KAZN: variants seen among roughly 807,000 people sequenced by gnomAD.
KAZN encodes kazrin, periplakin interacting protein.
A neutral mutation model predicts 87.4 loss-of-function variants in KAZN; 40 were observed. The observed-to-expected ratio is 0.46, with a 90% CI of 0.36 to 0.60. KAZN has a LOEUF of 0.60. KAZN is among the 20% of genes least tolerant of loss of function. KAZN has a pLI of 0.00. For missense variants in KAZN, 898 were observed against 1,073.9 expected, an observed-to-expected ratio of 0.84 and a Z score of 2.29; for synonymous variants, 466 against 458.3, an observed-to-expected ratio of 1.02 and a Z score of -0.22.
chr1:15,092,451 A>ATTTGTTTTGTTTTGT (rs148459798), intron 8 of KAZN, among the ~76,000 whole-genome samples: 3 of 149,838 alleles, frequency 2.0e-5, no homozygotes, highest in East Asian at 4.0e-4. Context: ...GTGTGTTTTT[A>ATTTGTTTTGTTTTGT]TTTGTTTTGT....
intron 1 of KAZN, among the ~76,000 whole-genome samples, chr1:14,176,956 G>C (rs767668398): frequency 6.6e-6 from 1 of 152,072 alleles, no homozygotes; most frequent in Non-Finnish European, 1.5e-5. Context: ...TCAGGAGTTC[G>C]AGACCAGCCT....
At chr1:13,926,270 G>T (rs7527058) in intron 1 of KAZN, among the ~76,000 whole-genome samples, 1 of 151,812 alleles carries the variant, frequency 6.6e-6, no homozygotes, top group Non-Finnish European at 1.5e-5. Flanking sequence ...CAGGCTGGCT[G>T]TCTGCCCTGG....
In KAZN at chr1:15,056,013, C is replaced by T. The variant is rs879183014; in HGVS notation, c.727-78C>T. 8 of 1,396,758 alleles carry T rather than the reference C, an allele frequency of 5.7e-6. No homozygotes were observed. The highest frequency in any genetic ancestry group is 2.8e-5 in the African/African-American group (2 of 70,676). 86.5% of individuals were successfully genotyped at this position (1,396,758 alleles called of 1,614,324 possible). A position where few individuals can be genotyped will look rare whatever the true frequency, so the allele number is the denominator to read the frequency against. Reference sequence around the variant, plus strand: ...GAGGATCCGGGCTTTCTCCCCATGGCGGTGGGTGGTGCCAAGCAGCTGGCC... The same window carrying T: ...GAGGATCCGGGCTTTCTCCCCATGGTGGTGGGTGGTGCCAAGCAGCTGGCC... On this transcript the variant is annotated intron_variant, in intron 4 of 14. Coordinates refer to ENST00000376030, the MANE Select transcript of KAZN (RefSeq NM_201628.3). The surrounding 1 kb of genome is among the most constrained non-coding windows in gnomAD (Gnocchi z 5.4).
At chr1:15,019,599 G>A (rs1670461807) in intron 2 of KAZN, among the ~76,000 whole-genome samples, 1 of 152,012 alleles carries the variant, frequency 6.6e-6, no homozygotes, top group Non-Finnish European at 1.5e-5. Flanking sequence ...ATGTTGGCCA[G>A]GCTGGTCTCG....
At chr1:14,947,249 G>A (rs766289532) in intron 1 of KAZN, among the ~76,000 whole-genome samples, 1 of 152,204 alleles carries the variant, frequency 6.6e-6, no homozygotes, top group Non-Finnish European at 1.5e-5. Context: ...TTCCTCTTGG[G>A]GTGTTGGTAA....
chr1:14,479,474 C>T (rs1571751890), intron 2 of KAZN, among the ~76,000 whole-genome samples: 1 of 152,224 alleles, frequency 6.6e-6, no homozygotes, highest in Non-Finnish European at 1.5e-5. Context: ...TCACTTGTGG[C>T]CGCTCCCTGC....
intron 2 of KAZN, among the ~76,000 whole-genome samples, chr1:14,264,157 T>C (rs1651296962): frequency 6.6e-6 from 1 of 152,080 alleles, no homozygotes; most frequent in Non-Finnish European, 1.5e-5. Flanking sequence ...ACGGCCAAAG[T>C]GGCAGCAGGA....
At chr1:15,063,473 G>A in intron 6 of KAZN, 99 bp from the exon 7 acceptor site, 3 of 1,002,674 alleles carry the variant, frequency 3.0e-6, no homozygotes, top group Non-Finnish European at 3.2e-6. Context: ...CTGAGAGATG[G>A]CATCCTTCCA....
At chr1:14,324,487 C>T (rs1166579815) in intron 2 of KAZN, among the ~76,000 whole-genome samples, 1 of 152,152 alleles carries the variant, frequency 6.6e-6, no homozygotes, top group Non-Finnish European at 1.5e-5. Context: ...GAAATGACTC[C>T]AGTATTCATG....
intron 2 of KAZN, among the ~76,000 whole-genome samples, chr1:14,419,027 C>A (rs1249460303): frequency 1.3e-5 from 2 of 152,110 alleles, no homozygotes; most frequent in Non-Finnish European, 2.9e-5. Context: ...GTTCAATAAG[C>A]ACATGGAAAA....
chr1:14,995,807 A>G (rs1272069064), intron 2 of KAZN, among the ~76,000 whole-genome samples: 2 of 152,002 alleles, frequency 1.3e-5, no homozygotes, highest in Non-Finnish European at 2.9e-5. Flanking sequence ...CGCCTGATTT[A>G]TATTTACCTT....
chr1:14,204,369 A>C (rs1037548955), intron 2 of KAZN, among the ~76,000 whole-genome samples: 13 of 152,236 alleles, frequency 8.5e-5, no homozygotes, highest in Admixed American at 8.5e-4. Flanking sequence ...ATCATGGAGC[A>C]CAGACAAGGT....
At chr1:14,755,045 C>T (rs564831670) in intron 1 of KAZN, among the ~76,000 whole-genome samples, 2 of 149,066 alleles carry the variant, frequency 1.3e-5, no homozygotes, top group East Asian at 3.9e-4. Context: ...AGTTTGAGAC[C>T]ACCCTGGGCA....
At chr1:14,557,766 C>T (rs554567935) in intron 2 of KAZN, among the ~76,000 whole-genome samples, 3 of 151,824 alleles carry the variant, frequency 2.0e-5, no homozygotes, top group African/African-American at 7.3e-5. Flanking sequence ...GGTGAATTGG[C>T]AAGCTGGAGA....
intron 2 of KAZN, among the ~76,000 whole-genome samples, chr1:14,582,952 CCT>C (rs1675643472): frequency 6.6e-6 from 1 of 152,178 alleles, no homozygotes; most frequent in African/African-American, 2.4e-5. Flanking sequence ...GACTGGGCCT[CCT>C]CCATCCCTGC....
intron 2 of KAZN, among the ~76,000 whole-genome samples, chr1:14,295,858 A>C (rs1317817799): frequency 6.6e-6 from 1 of 152,168 alleles, no homozygotes; most frequent in East Asian, 1.9e-4. Flanking sequence ...CTCCTTAGCT[A>C]GATCACGGGG....
chr1:14,404,740 A>C lies in KAZN; in HGVS notation c.250-194243A>C, dbSNP rs542735410. On this transcript the variant is annotated intron_variant, in intron 2 of 16. Coordinates refer to the KAZN transcript ENST00000636203. ...GAGAATGAAGTACTGAAAATTCTCA[A>C]AAATAGTAAGAAAAACAAACTAATT... Among the ~76,000 whole-genome samples, 58 of 152,362 alleles carry C rather than the reference A, an allele frequency of 3.8e-4. 1 individual carries two copies. The highest frequency in any genetic ancestry group is 3.1e-4 in the Non-Finnish European group (21 of 68,034).
chr1:14,792,231 G>A (rs960696214), intron 1 of KAZN, among the ~76,000 whole-genome samples: 4 of 152,180 alleles, frequency 2.6e-5, no homozygotes, highest in Non-Finnish European at 5.9e-5. Flanking sequence ...GTGTTAAGGA[G>A]ACAAAATGTA....
intron 1 of KAZN, among the ~76,000 whole-genome samples, chr1:13,909,419 G>A (rs983208004): frequency 2.0e-5 from 3 of 152,116 alleles, no homozygotes; most frequent in African/African-American, 4.8e-5. Context: ...TCTCTCTTAG[G>A]TAGTGAGGAG....
Sources: gnomAD v4.1 joint callset for allele counts (sites outside exome capture counted in the v4.1 genomes callset) on GRCh38, gnomAD v4.1.1 for gene constraint, Gnocchi (gnomAD v3.1) non-coding constraint, MANE v1.5 for transcripts, NCBI Gene and HGNC (gene_info 2026-07-23, HGNC 2026-07-21) for gene names.